The following PRELID2 variants were observed in gnomAD, a reference collection of about 807,000 sequenced individuals.
The protein encoded by PRELID2 is PRELI domain containing 2.
A neutral mutation model predicts 28.4 loss-of-function variants in PRELID2; 25 were observed. The ratio of observed to expected loss-of-function variants is 0.88; its 90% CI spans 0.64 to 1.23. PRELID2 has a LOEUF of 1.23. Among genes scored for constraint, PRELID2 ranks in the 50% most tolerant of loss-of-function variants. PRELID2 has a pLI of 0.00. For missense variants in PRELID2, 201 were observed against 214.4 expected (o/e 0.94, Z 0.39); for synonymous variants, 76 against 71.6 (o/e 1.06, Z -0.31).
chr5:145,698,737 G>C (rs1340540824), intron 1 of PRELID2, among the ~76,000 whole-genome samples: 1 of 152,064 alleles, frequency 6.6e-6, no homozygotes, highest in Non-Finnish European at 1.5e-5. Context: ...TTGTTTGTTT[G>C]TTTGTTGAGA....
intron 5 of PRELID2, among the ~76,000 whole-genome samples, chr5:145,785,679 AG>A (rs1206737795): frequency 6.6e-6 from 1 of 152,270 alleles, no homozygotes; most frequent in Non-Finnish European, 1.5e-5. Context: ...CTTGTTAACT[AG>A]CATAATGGAT....
At chr5:145,287,469 G>T in the PRELID2 span, among the ~76,000 whole-genome samples, 1 of 152,074 alleles carries the variant, frequency 6.6e-6, no homozygotes, top group Non-Finnish European at 1.5e-5. Flanking sequence ...GGTGGAGTGA[G>T]ATTTTATCAC....
At chr5:145,370,660 T>C in the PRELID2 span, among the ~76,000 whole-genome samples, 2 of 152,050 alleles carry the variant, frequency 1.3e-5, no homozygotes, top group South Asian at 2.1e-4. Flanking sequence ...CTGCGAAGAA[T>C]GTCTATGGTA....
chr5:145,263,854 CAAAA>C, the PRELID2 span, among the ~76,000 whole-genome samples: 1 of 123,162 alleles, frequency 8.1e-6, no homozygotes, highest in Non-Finnish European at 1.8e-5. Flanking sequence ...AAAAAGTTAC[CAAAA>C]AAAAAAAAAA....
chr5:145,589,957 C>T (rs778575965), intron 1 of PRELID2, among the ~76,000 whole-genome samples: 1 of 152,118 alleles, frequency 6.6e-6, no homozygotes, highest in Admixed American at 6.6e-5. Flanking sequence ...TCCTCATTGG[C>T]TTGAGATGAT....
At chr5:145,779,192 TTGA>T (rs1758608847) in intron 5 of PRELID2, among the ~76,000 whole-genome samples, 1 of 152,200 alleles carries the variant, frequency 6.6e-6, no homozygotes, top group Admixed American at 6.5e-5. Flanking sequence ...TTATTGAGCA[TTGA>T]TGATGTGCTA....
At chr5:145,607,941 T>C (rs1753528260) in intron 1 of PRELID2, among the ~76,000 whole-genome samples, 1 of 152,204 alleles carries the variant, frequency 6.6e-6, no homozygotes, top group South Asian at 2.1e-4. Flanking sequence ...ATTGGGTGCA[T>C]ATGTATTCAG....
At chr5:145,391,120 C>T in the PRELID2 span, among the ~76,000 whole-genome samples, 1 of 152,152 alleles carries the variant, frequency 6.6e-6, no homozygotes, top group East Asian at 1.9e-4. Context: ...TCTAGGTGCA[C>T]AACAGAAGCT....
the PRELID2 span, among the ~76,000 whole-genome samples, chr5:145,309,569 TAATAA>T: frequency 6.6e-6 from 1 of 152,230 alleles, no homozygotes; most frequent in Non-Finnish European, 1.5e-5. Flanking sequence ...AAGATGGGCC[TAATAA>T]AATAATCAAA....
rs935145766 is a variant in PRELID2 at position 145,757,954 on chromosome 5, A to G, written c.*2582T>C. 2.6e-5 allele frequency among the ~76,000 whole-genome samples: 4 copies of G among 152,176 alleles called. No individual in the cohort carries two copies. The highest frequency in any genetic ancestry group is 4.8e-5 in the African/African-American group (2 of 41,462). ...TATTTAGGAATGAGGAGGAAGATAC[A>G]TCTAAAAGTAGTCTTAGAGGAGAGG... is the stretch of plus-strand genomic sequence containing the variant. On this transcript the variant is annotated 3_prime_UTR_variant, in exon 7 of 7. Coordinates refer to ENST00000683046, the MANE Select transcript of PRELID2 (RefSeq NM_205846.3).
At chr5:145,257,251 C>T in the PRELID2 span, among the ~76,000 whole-genome samples, 1 of 150,052 alleles carries the variant, frequency 6.7e-6, no homozygotes, top group South Asian at 2.1e-4. Flanking sequence ...AGAGCAGTAA[C>T]TATATAATAC....
the PRELID2 span, among the ~76,000 whole-genome samples, chr5:145,458,285 ATAG>A: frequency 6.6e-6 from 1 of 152,236 alleles, no homozygotes; most frequent in Non-Finnish European, 1.5e-5. Context: ...CAATGAGAAA[ATAG>A]TTAATTATAT....
the PRELID2 span, among the ~76,000 whole-genome samples, chr5:145,440,593 C>T: frequency 2.6e-4 from 39 of 152,140 alleles, no homozygotes; most frequent in Admixed American, 1.4e-3. Flanking sequence ...TTCAGACCTC[C>T]CTTCCTTTGC....
the PRELID2 span, among the ~76,000 whole-genome samples, chr5:145,337,500 G>A: frequency 4.8e-4 from 72 of 151,546 alleles, no homozygotes; most frequent in South Asian, 7.9e-3. Flanking sequence ...CCATTCACAA[G>A]TTTCAGGTTA....
intron 1 of PRELID2, among the ~76,000 whole-genome samples, chr5:145,828,832 C>CTTTT (rs67543120): frequency 2.2e-4 from 15 of 68,270 alleles, no homozygotes; most frequent in East Asian, 4.7e-4. Context: ...TGAAAAAAAT[C>CTTTT]TTTTTTTTTT....
intron 2 of PRELID2, 105 bp from the exon 3 acceptor site, chr5:145,820,123 G>GTT (rs74273635): frequency 1.7e-3 from 444 of 263,598 alleles, no homozygotes; most frequent in Middle Eastern, 3.1e-3. Flanking sequence ...TTTGTTTTTT[G>GTT]TTTTTTTTTT....
chr5:145,292,775 A>G, the PRELID2 span, among the ~76,000 whole-genome samples: 5 of 152,262 alleles, frequency 3.3e-5, no homozygotes, highest in Middle Eastern at 3.4e-3. Flanking sequence ...TGACATAATC[A>G]TAGCTCACTG....
chr5:145,475,623 T>A (rs977686782), intron 1 of PRELID2, among the ~76,000 whole-genome samples: 11 of 152,222 alleles, frequency 7.2e-5, no homozygotes, highest in African/African-American at 2.4e-4. Flanking sequence ...TTGACCAAGA[T>A]GTTTTAAGAG....
intron 1 of PRELID2, among the ~76,000 whole-genome samples, chr5:145,565,844 C>A (rs1230133489): frequency 1.3e-5 from 2 of 152,190 alleles, no homozygotes; most frequent in Non-Finnish European, 2.9e-5. Context: ...GCAAACATTT[C>A]TTTAAGTTTC....
Sources: allele counts gnomAD v4.1 joint callset (sites outside exome capture counted in the v4.1 genomes callset), GRCh38; gene constraint gnomAD v4.1.1; transcripts MANE v1.5; gene names NCBI Gene and HGNC (gene_info 2026-07-23, HGNC 2026-07-21).